SLC12A2: variants seen among roughly 807,000 people sequenced by gnomAD.
SLC12A2 encodes the protein solute carrier family 12 member 2, also known as Na-K-2Cl cotransporter 1.
A neutral mutation model predicts 136.3 loss-of-function variants in SLC12A2; 67 were observed. The ratio of observed to expected loss-of-function variants is 0.49; its 90% confidence interval spans 0.40 to 0.60. SLC12A2 has a LOEUF of 0.60. Among genes scored for constraint, SLC12A2 ranks in the 20% least tolerant of loss-of-function variants. The probability of loss-of-function intolerance (pLI) is 0.00; values close to 1 mark genes in which losing one functional copy is unlikely to be tolerated. For missense variants in SLC12A2, 1,322 were observed against 1,534.7 expected, an observed-to-expected ratio of 0.86 and a Z score of 2.32; for synonymous variants, 619 against 562.9, an observed-to-expected ratio of 1.10 and a Z score of -1.41.
chr5:128,114,613 C>T lies in SLC12A2; in HGVS notation c.980C>T (p.Ala327Val), dbSNP rs1761279419. 1 of 1,611,238 alleles carries T rather than the reference C, an allele frequency of 6.2e-7. No homozygotes were observed. The highest frequency in any genetic ancestry group is 8.5e-7 in the Non-Finnish European group (1 of 1,177,616). Residue 327 changes from alanine to valine, a missense_variant, in exon 4 of 27, where the codon GCC becomes GTC. Ala to Val is a moderately conservative substitution (Grantham distance 64, BLOSUM62 0). Around this residue, in one of 8 missense-constraint regions of SLC12A2, gnomAD observed 71 missense variants for 131.0 expected, o/e 0.54. Coordinates refer to ENST00000262461, the MANE Select transcript of SLC12A2 (RefSeq NM_001046.3). ...IGLSVLVIMM[A>V]TVVTTITGLS... is the part of the protein sequence containing the mutation. Reference sequence around the variant, plus strand: ...CTATCAGTCCTTGTAATAATGATGGCCACTGTTGTGACAACTATCACAGGA... The same window carrying T: ...CTATCAGTCCTTGTAATAATGATGGTCACTGTTGTGACAACTATCACAGGA...
intron 1 of SLC12A2, among the ~76,000 whole-genome samples, chr5:128,106,809 G>A (rs981890024): frequency 1.3e-5 from 2 of 152,110 alleles, no homozygotes; most frequent in African/African-American, 4.8e-5. Flanking sequence ...ATTTTTGGAT[G>A]CCTGCATACT....
intron 1 of SLC12A2, among the ~76,000 whole-genome samples, chr5:128,099,251 C>T (rs1163551958): frequency 6.6e-6 from 1 of 152,114 alleles, no homozygotes; most frequent in Non-Finnish European, 1.5e-5. Flanking sequence ...GGCTACAAAT[C>T]TGTACAGCAT....
chr5:128,120,148 A>C (rs1164221749), intron 4 of SLC12A2, among the ~76,000 whole-genome samples: 1 of 152,136 alleles, frequency 6.6e-6, no homozygotes, highest in Non-Finnish European at 1.5e-5. Context: ...GCAAACCAAA[A>C]CCACAATGAG....
intron 17 of SLC12A2, among the ~76,000 whole-genome samples, chr5:128,165,031 TG>T: frequency 6.6e-6 from 1 of 151,980 alleles, no homozygotes; most frequent in East Asian, 1.9e-4. Flanking sequence ...TTTGTAGAGA[TG>T]AGGTTTCACC....
intron 4 of SLC12A2, among the ~76,000 whole-genome samples, chr5:128,129,173 T>G (rs2126694293): frequency 6.6e-6 from 1 of 152,232 alleles, no homozygotes; most frequent in African/African-American, 2.4e-5. Context: ...CTTTTCTTTG[T>G]GACTTCATTT....
intron 13 of SLC12A2, among the ~76,000 whole-genome samples, chr5:128,150,650 G>T (rs1050738780): frequency 2.0e-5 from 3 of 151,590 alleles, no homozygotes; most frequent in African/African-American, 7.2e-5. Context: ...AAATAATTTT[G>T]GCTTTGGAAC....
At chr5:128,123,010 C>T (rs1761648593) in intron 4 of SLC12A2, among the ~76,000 whole-genome samples, 1 of 152,036 alleles carries the variant, frequency 6.6e-6, no homozygotes, top group South Asian at 2.1e-4. Context: ...ACAAATAGCT[C>T]AGATACGAAT....
At chr5:128,110,363 TA>T in intron 1 of SLC12A2, 1 of 969,808 alleles carries the variant, frequency 1.0e-6, no homozygotes, top group Non-Finnish European at 1.7e-6. Context: ...CTGTGCAAGC[TA>T]ACACGGGTCC....
chr5:128,103,037 T>C (rs1292698067), intron 1 of SLC12A2, among the ~76,000 whole-genome samples: 1 of 152,220 alleles, frequency 6.6e-6, no homozygotes, highest in East Asian at 1.9e-4. Context: ...TTTTAAACAG[T>C]GCTGATATGA....
intron 1 of SLC12A2, chr5:128,109,570 GA>G: frequency 1.4e-6 from 1 of 710,778 alleles, no homozygotes; most frequent in East Asian, 2.7e-5. Flanking sequence ...TGAGTCCGGA[GA>G]AGAGCAAAAT....
At chr5:128,098,477 GT>G (rs71575713) in intron 1 of SLC12A2, among the ~76,000 whole-genome samples, 83 of 149,320 alleles carry the variant, frequency 5.6e-4, no homozygotes, top group Non-Finnish European at 9.2e-4. Context: ...ATGACTGCTT[GT>G]TTTTTTTGTT....
Position 128,182,880 on chromosome 5 carries a change from C to T in SLC12A2, c.3238C>T (p.Arg1080Trp), listed in dbSNP as rs1423975670. Residue 1080 changes from arginine to tryptophan, a missense_variant, in exon 24 of 27, where the codon CGG becomes TGG. By Grantham distance (101) the Arg-to-Trp change is moderately radical. Coordinates refer to ENST00000262461, the MANE Select transcript of SLC12A2 (RefSeq NM_001046.3). ...RAMATLLSKFRIDFSDIMVLG... is the reference protein window; with the variant it reads ...RAMATLLSKFWIDFSDIMVLG... ...GATGGCTACTTTGCTTAGCAAGTTC[C>T]GGATAGACTTTTCTGATATCATGGT... is the stretch of plus-strand genomic sequence containing the variant. The T allele has an allele frequency of 6.2e-7, 1 of 1,610,544 alleles. No individual in the cohort carries two copies. Among genetic ancestry groups the T allele is most frequent in the Non-Finnish European group, 8.5e-7 (1 of 1,177,824 alleles).
intron 1 of SLC12A2, among the ~76,000 whole-genome samples, chr5:128,106,298 C>G (rs1424344966): frequency 6.6e-6 from 1 of 152,076 alleles, no homozygotes; most frequent in Non-Finnish European, 1.5e-5. Flanking sequence ...TATTTATGTA[C>G]TTTTGTATCA....
At chr5:128,093,379 T>A (rs1334875004) in intron 1 of SLC12A2, among the ~76,000 whole-genome samples, 1 of 152,176 alleles carries the variant, frequency 6.6e-6, no homozygotes, top group Non-Finnish European at 1.5e-5. Context: ...TGTAGTCCAA[T>A]GACTCCCGAA....
chr5:128,094,392 G>C (rs1425595791), intron 1 of SLC12A2, among the ~76,000 whole-genome samples: 1 of 151,712 alleles, frequency 6.6e-6, no homozygotes, highest in Non-Finnish European at 1.5e-5. Context: ...TTGCGTATGT[G>C]GTGTTTAAGA....
At position 128,127,186 on chromosome 5, in the gene SLC12A2, A is replaced by G. The variant is rs1489510358; in HGVS notation, c.1049-3881A>G. Among the ~76,000 whole-genome samples the G allele has an allele frequency of 2.3e-5, 3 of 130,174 alleles. No individual in the cohort carries two copies. The South Asian group carries it at 7.1e-4, about 31-fold the overall frequency. 85.4% of individuals were successfully genotyped at this position (130,174 alleles called of 152,430 possible). Reference sequence around the variant, plus strand: ...ACCCAGGCTGGAGTGCAGTGGCACGATCTCGGCTCACTGCAAGCTCTGCCT... The same window carrying G: ...ACCCAGGCTGGAGTGCAGTGGCACGGTCTCGGCTCACTGCAAGCTCTGCCT... On this transcript the variant is annotated intron_variant, in intron 4 of 26. Transcript: ENST00000262461.
chr5:128,126,905 GT>G (rs1329873821), intron 4 of SLC12A2, among the ~76,000 whole-genome samples: 2 of 92,070 alleles, frequency 2.2e-5, no homozygotes, highest in Non-Finnish European at 2.1e-5. Flanking sequence ...TGAACTGTAT[GT>G]TTTTTTTCTT....
Position 128,135,742 on chromosome 5 carries a change from G to A in SLC12A2, c.1342G>A (p.Asp448Asn). 1 of 1,612,642 alleles carries A rather than the reference G, an allele frequency of 6.2e-7. No individual in the cohort carries two copies. The highest frequency in any genetic ancestry group is 8.5e-7 in the Non-Finnish European group (1 of 1,178,984). ...GGTGATCCTACTTCTTGCTATTGGT[G>A]ATTTCGTCATAGGAACATTTATCCC... ...LLVILLLAIG[D>N]FVIGTFIPLE... Residue 448 changes from aspartate (D) to asparagine (N), a missense_variant, in exon 7 of 27, where the codon GAT becomes AAT. By Grantham distance (23) the Asp-to-Asn change is conservative. Around this residue, in one of 8 missense-constraint regions of SLC12A2, gnomAD observed 110 missense variants for 114.5 expected, o/e 0.96. Coordinates refer to ENST00000262461, the MANE Select transcript of SLC12A2 (RefSeq NM_001046.3).
chr5:128,158,763 T>C (rs986160275), intron 16 of SLC12A2, among the ~76,000 whole-genome samples: 12 of 152,190 alleles, frequency 7.9e-5, no homozygotes, highest in Admixed American at 1.3e-4. Context: ...CTTTGAGTTC[T>C]TTGAGAAGGC....
Sources: allele counts gnomAD v4.1 joint callset (sites outside exome capture counted in the v4.1 genomes callset), GRCh38; gene constraint gnomAD v4.1.1; regional missense constraint gnomAD v4.1.1; transcripts MANE v1.5; gene names NCBI Gene and HGNC (gene_info 2026-07-23, HGNC 2026-07-21).